The following BRINP1 variants were observed in gnomAD, a reference collection of about 807,000 sequenced individuals.
BRINP1 encodes the protein BMP/retinoic acid inducible neural specific 1.
A neutral mutation model predicts 72.9 loss-of-function variants in BRINP1; 17 were observed. That is an observed-to-expected ratio of 0.23 (90% confidence interval 0.16 to 0.35). The LOEUF (loss-of-function observed/expected upper bound fraction) is 0.35. Among genes scored for constraint, BRINP1 ranks in the 10% least tolerant of loss-of-function variants. BRINP1 has a pLI of 1.00. For missense variants in BRINP1, 850 were observed against 1,001.6 expected, an observed-to-expected ratio of 0.85 and a Z score of 2.04; for synonymous variants, 418 against 378.5, an observed-to-expected ratio of 1.10 and a Z score of -1.21.
At chr9:119,353,822 C>CTTTTTTTTTTTTTTTTTTTTTTT in intron 1 of BRINP1, among the ~76,000 whole-genome samples, 1 of 30,924 alleles carries the variant, frequency 3.2e-5, no homozygotes, top group Non-Finnish European at 5.8e-5. Flanking sequence ...GTTTTGAGCA[C>CTTTTTTTTTTTTTTTTTTTTTTT]TTTTTTTTTT....
intron 1 of BRINP1, among the ~76,000 whole-genome samples, chr9:119,361,623 T>A (rs192791250): frequency 1.2e-3 from 176 of 151,700 alleles, no homozygotes; most frequent in Non-Finnish European, 2.3e-3. Context: ...TCTTCTTCTT[T>A]TTTTTGTTTT....
intron 1 of BRINP1, among the ~76,000 whole-genome samples, chr9:119,320,386 T>C (rs552572950): frequency 1.6e-4 from 25 of 152,338 alleles, no homozygotes; most frequent in African/African-American, 5.8e-4. Flanking sequence ...ATTACCATAC[T>C]GAACAACTAT....
chr9:119,307,593 A>T (rs1349928230), intron 2 of BRINP1, among the ~76,000 whole-genome samples: 1 of 152,200 alleles, frequency 6.6e-6, no homozygotes, highest in Non-Finnish European at 1.5e-5. Flanking sequence ...TAACAAGAAG[A>T]TTGCCTTCCT....
At chr9:119,257,261 A>G (rs1445890145) in intron 2 of BRINP1, among the ~76,000 whole-genome samples, 2 of 152,196 alleles carry the variant, frequency 1.3e-5, no homozygotes, top group Non-Finnish European at 2.9e-5. Flanking sequence ...AATAGAGTTG[A>G]TGCTGGTGGG....
chr9:119,337,423 T>C (rs927257603), intron 1 of BRINP1, among the ~76,000 whole-genome samples: 2 of 152,168 alleles, frequency 1.3e-5, no homozygotes. Context: ...CAGGAGGAAA[T>C]ACAGGTATAT....
chr9:119,249,961 A>AGAGG (rs1830365313), intron 2 of BRINP1, among the ~76,000 whole-genome samples: 1 of 109,412 alleles, frequency 9.1e-6, no homozygotes, highest in African/African-American at 3.8e-5. Context: ...AAGGAGAGAG[A>AGAGG]GAGGGAGGGA....
At chr9:119,294,063 T>C (rs1295993909) in intron 2 of BRINP1, among the ~76,000 whole-genome samples, 1 of 152,168 alleles carries the variant, frequency 6.6e-6, no homozygotes, top group Non-Finnish European at 1.5e-5. Context: ...ATAAATTTAA[T>C]GAAGTTGAAG....
chr9:119,176,969 G>A (rs1365954973), intron 7 of BRINP1, among the ~76,000 whole-genome samples: 1 of 152,026 alleles, frequency 6.6e-6, no homozygotes, highest in Non-Finnish European at 1.5e-5. Context: ...AAACCTCCCT[G>A]ACAGTATTCA....
chr9:119,355,572 C>CA (rs911948269), intron 1 of BRINP1, among the ~76,000 whole-genome samples: 24 of 151,718 alleles, frequency 1.6e-4, no homozygotes, highest in East Asian at 9.7e-4. Context: ...AATAAAAACA[C>CA]AAAAAAATTA....
At chr9:119,298,529 G>C (rs1830905005) in intron 2 of BRINP1, among the ~76,000 whole-genome samples, 1 of 151,094 alleles carries the variant, frequency 6.6e-6, no homozygotes, top group Admixed American at 6.6e-5. Flanking sequence ...ATTCTCTCAA[G>C]TTATTTGAAC....
At chr9:119,253,453 A>T (rs533274612) in intron 2 of BRINP1, among the ~76,000 whole-genome samples, 1 of 152,320 alleles carries the variant, frequency 6.6e-6, no homozygotes, top group African/African-American at 2.4e-5. Flanking sequence ...TGTCATTTGC[A>T]GCAGGATGGA....
At chr9:119,288,514 A>G (rs1830789963) in intron 2 of BRINP1, among the ~76,000 whole-genome samples, 1 of 152,086 alleles carries the variant, frequency 6.6e-6, no homozygotes, top group African/African-American at 2.4e-5. Flanking sequence ...TAGCAAAAAC[A>G]CAATACAGAA....
intron 2 of BRINP1, among the ~76,000 whole-genome samples, chr9:119,264,154 A>C (rs1830524676): frequency 1.3e-5 from 2 of 152,226 alleles, no homozygotes. Flanking sequence ...GGTGGCAATT[A>C]AATCCTCAGA....
At chr9:119,316,289 T>C (rs1831123398) in intron 1 of BRINP1, among the ~76,000 whole-genome samples, 1 of 152,224 alleles carries the variant, frequency 6.6e-6, no homozygotes, top group Non-Finnish European at 1.5e-5. Flanking sequence ...GGTTTCGCCA[T>C]GTTGGCCAGG....
rs185397685 is a variant in BRINP1 at position 119,169,300 on chromosome 9, G to A, written c.1146-1076C>T. Reference sequence around the variant, plus strand: ...CCGTGCGCGAGCTGAAGCAGGGCGAGGCATTGCCTCACTTGGGAAGTGCAA... The same window carrying A: ...CCGTGCGCGAGCTGAAGCAGGGCGAAGCATTGCCTCACTTGGGAAGTGCAA... On this transcript the variant is annotated intron_variant, in intron 7 of 7. Coordinates refer to ENST00000265922, the MANE Select transcript of BRINP1 (RefSeq NM_014618.3). 1.4e-4 allele frequency among the ~76,000 whole-genome samples: 21 copies of A among 152,358 alleles called. No homozygotes were observed. In the East Asian group the frequency reaches 4.1e-3, roughly 29 times the overall value.
chr9:119,177,153 T>G (rs535403351), intron 7 of BRINP1, among the ~76,000 whole-genome samples: 1 of 152,220 alleles, frequency 6.6e-6, no homozygotes, highest in Non-Finnish European at 1.5e-5. Context: ...CATATTTTTC[T>G]TGTTAGTTTT....
chr9:119,174,763 T>C (rs992121682), intron 7 of BRINP1, among the ~76,000 whole-genome samples: 3 of 151,814 alleles, frequency 2.0e-5, no homozygotes, highest in Non-Finnish European at 4.4e-5. Context: ...GTGGCACATA[T>C]ACACCATGGA....
intron 5 of BRINP1, among the ~76,000 whole-genome samples, chr9:119,230,124 G>A (rs1407566724): frequency 1.3e-5 from 2 of 151,864 alleles, no homozygotes; most frequent in Non-Finnish European, 2.9e-5. Context: ...AAAGTGCAGG[G>A]CAATAAAAAA....
intron 5 of BRINP1, among the ~76,000 whole-genome samples, chr9:119,237,114 A>G (rs1345828209): frequency 6.6e-6 from 1 of 152,030 alleles, no homozygotes; most frequent in Non-Finnish European, 1.5e-5. Flanking sequence ...GCCAATCTCA[A>G]CCCAACTTCC....
Sources: gnomAD v4.1 joint callset for allele counts (sites outside exome capture counted in the v4.1 genomes callset) on GRCh38, gnomAD v4.1.1 for gene constraint, MANE v1.5 for transcripts, NCBI Gene and HGNC (gene_info 2026-07-23, HGNC 2026-07-21) for gene names.